The following CHFR variants were observed in gnomAD, a reference collection of about 807,000 sequenced individuals.
The protein encoded by CHFR is E3 ubiquitin-protein ligase CHFR.
In CHFR, 57 loss-of-function variants were observed where a neutral mutation model predicts 87.6. That is an observed-to-expected ratio of 0.65 (90% CI 0.53 to 0.81). CHFR has a LOEUF of 0.81. CHFR is among the 30% of genes least tolerant of loss of function. The probability of loss-of-function intolerance (pLI) is 0.00; values close to 1 mark genes in which losing one functional copy is unlikely to be tolerated. For synonymous variants in CHFR, 381 were observed against 359.2 expected, an observed-to-expected ratio of 1.06 and a Z score of -0.69; for missense variants, 797 against 865.8, an observed-to-expected ratio of 0.92 and a Z score of 1.00.
In CHFR at chr12:132,853,407, A is replaced by G. The variant is rs775787800; in HGVS notation, c.1372+24T>C. ...CACAAAGTGACTCACGCGAAGGCTG[A>G]GGCCTGAGGGCGGCGCGGCTCACCT... On this transcript the variant is annotated intron_variant, in intron 11 of 17. Coordinates refer to ENST00000450056, the MANE Select transcript of CHFR (RefSeq NM_001161346.2). 3.3e-6 allele frequency: 5 copies of G among 1,492,588 alleles called. No homozygotes were observed. The East Asian group carries it at 1.3e-4, about 39-fold the overall frequency. The allele number at this position is 1,492,588 out of a possible 1,614,324, so 92.5% of individuals were successfully genotyped here. A position where few individuals can be genotyped will look rare whatever the true frequency, so the allele number is the denominator to read the frequency against.
intron 12 of CHFR, chr12:132,850,002 G>T (rs1197255938): frequency 6.6e-6 from 1 of 151,778 alleles, no homozygotes; most frequent in East Asian, 1.9e-4. Flanking sequence ...CACCCAGGCT[G>T]GAGTGCACTG....
rs1951440531 is a variant in CHFR at position 132,869,714 on chromosome 12, G to C, written c.488C>G (p.Pro163Arg). 2 of 1,551,632 alleles carry C rather than the reference G, an allele frequency of 1.3e-6. No individual in the cohort carries two copies. Among genetic ancestry groups the C allele is most frequent in the Non-Finnish European group, 1.7e-6 (2 of 1,147,024 alleles). ...SPATQVCFEE[P>R]QPSTSTSDLF... ...GTCTGACGTCGATGTTGATGGCTGT[G>C]GTTCCTCAAAGCACACCTGAGTGGC... Residue 163 changes from proline (P) to arginine (R), a missense_variant, in exon 6 of 18, where the codon CCA (proline) becomes CGA (arginine). Around this residue, in one of 2 missense-constraint regions of CHFR, gnomAD observed 597 missense variants for 601.2 expected, o/e 0.99. Coordinates refer to ENST00000450056, the MANE Select transcript of CHFR (RefSeq NM_001161346.2).
At chr12:132,880,665 G>T (rs58886285) in intron 2 of CHFR, among the ~76,000 whole-genome samples, 1 of 103,974 alleles carries the variant, frequency 9.6e-6, no homozygotes, top group Non-Finnish European at 1.6e-5. Flanking sequence ...CTCAAAAAAA[G>T]AAAAAAAAAG....
At chr12:132,872,508 A>G (rs1951514506) in intron 3 of CHFR, 114 bp from the exon 4 acceptor site, 1 of 684,618 alleles carries the variant, frequency 1.5e-6, no homozygotes, top group Non-Finnish European at 2.6e-6. Flanking sequence ...AAATACTCAT[A>G]GGAACAGTGT....
chr12:132,867,458 T>G (rs1206620039), intron 6 of CHFR: 1 of 152,192 alleles, frequency 6.6e-6, no homozygotes, highest in African/African-American at 2.4e-5. Flanking sequence ...AGGTCCCTTC[T>G]CCGGAGGCTT....
In CHFR at chr12:132,865,498, G is replaced by A. The variant is rs143791143; in HGVS notation, c.584-3864C>T. On this transcript the variant is annotated intron_variant, in intron 6 of 17. Transcript: ENST00000450056. ...GGTGAAACTCCTGTCTCAGCTTCCT[G>A]AGTAGCTGGGACTACAGGCGCCTGC... Among the ~76,000 whole-genome samples the A allele has an allele frequency of 4.4e-3, 667 of 151,816 alleles. 4 individuals are homozygous for A. Among genetic ancestry groups the A allele is most frequent in the African/African-American group, 0.015 (629 of 41,394 alleles).
rs562978661 is a variant in CHFR, at chr12:132,859,809, A to C, written c.752-582T>G. 1.8e-3 allele frequency among the ~76,000 whole-genome samples: 280 copies of C among 152,280 alleles called. 2 individuals are homozygous for C. The highest frequency in any genetic ancestry group is 6.1e-3 in the African/African-American group (253 of 41,568). ...GTAATCCCAGCACTTTGGGAGGCTG[A>C]GGTGGGCAGATCGCTTGAGCCCAGG... On this transcript the variant is annotated intron_variant, in intron 7 of 17. Coordinates refer to ENST00000450056, the MANE Select transcript of CHFR (RefSeq NM_001161346.2).
intron 15 of CHFR, among the ~76,000 whole-genome samples, chr12:132,845,474 A>T (rs1174678230): frequency 1.4e-5 from 2 of 146,462 alleles, no homozygotes; most frequent in African/African-American, 4.9e-5. Flanking sequence ...AAAAATAAAT[A>T]AATAAATAAA....
At chr12:132,854,776 A>C (rs1951028057) in intron 10 of CHFR, 1 of 151,982 alleles carries the variant, frequency 6.6e-6, no homozygotes, top group Non-Finnish European at 1.5e-5. Flanking sequence ...ACTGCACTCC[A>C]GCCTGGGCAA....
chr12:132,864,409 G>A (rs1470992564), intron 6 of CHFR, among the ~76,000 whole-genome samples: 2 of 152,226 alleles, frequency 1.3e-5, no homozygotes, highest in Non-Finnish European at 2.9e-5. Context: ...TTTAGTAGCT[G>A]CTCAATAAGC....
At chr12:132,846,507 T>C (rs1950830915) in intron 15 of CHFR, among the ~76,000 whole-genome samples, 1 of 151,578 alleles carries the variant, frequency 6.6e-6, no homozygotes, top group Non-Finnish European at 1.5e-5. Context: ...CTTGACCTCA[T>C]GATCCGCCCG....
chr12:132,857,319 G>A, intron 9 of CHFR, 86 bp downstream of exon 9: 12 of 1,451,440 alleles, frequency 8.3e-6, no homozygotes, highest in Non-Finnish European at 1.0e-5. Context: ...CCCGGGTGCT[G>A]CTGGGTGGAT....
intron 2 of CHFR, among the ~76,000 whole-genome samples, chr12:132,881,922 G>A (rs1161688470): frequency 2.0e-5 from 3 of 151,074 alleles, no homozygotes; most frequent in African/African-American, 7.3e-5. Flanking sequence ...AAAGGGAAGT[G>A]GAAAACCTGG....
intron 14 of CHFR, chr12:132,847,813 G>A (rs1235496128): frequency 1.2e-5 from 16 of 1,309,436 alleles, no homozygotes; most frequent in South Asian, 4.9e-5. Context: ...AAGAGCTGCC[G>A]GGAACAAGAG....
At chr12:132,852,324 G>A (rs1177531820) in intron 11 of CHFR, among the ~76,000 whole-genome samples, 1 of 152,136 alleles carries the variant, frequency 6.6e-6, no homozygotes, top group African/African-American at 2.4e-5. Context: ...CCTATAAAGA[G>A]AGGACAAGCC....
At position 132,841,552 on chromosome 12, in the gene CHFR, G is replaced by A. The variant is rs1950704441; in HGVS notation, c.*2C>T. ...TGAAAGCTGCTCAGGGCCTCTGGATGCTTAGTTTTTGAACCTTGTCTGTTC... is the reference window on the plus strand; with the variant it reads ...TGAAAGCTGCTCAGGGCCTCTGGATACTTAGTTTTTGAACCTTGTCTGTTC... On this transcript the variant is annotated 3_prime_UTR_variant, in exon 18 of 18. Coordinates refer to ENST00000450056, the MANE Select transcript of CHFR (RefSeq NM_001161346.2). The A allele has an allele frequency of 1.9e-6, 3 of 1,613,154 alleles. No homozygotes were observed. Among genetic ancestry groups the A allele is most frequent in the Non-Finnish European group, 2.5e-6 (3 of 1,179,090 alleles).
chr12:132,877,435 G>A, intron 3 of CHFR, 120 bp downstream of exon 3: 2 of 578,202 alleles, frequency 3.5e-6, no homozygotes, highest in East Asian at 3.1e-5. Flanking sequence ...ATGAGCCGCT[G>A]TTATCACACT....
At chr12:132,885,422 A>AAATT (rs1435264907) in intron 2 of CHFR, among the ~76,000 whole-genome samples, 1 of 45,954 alleles carries the variant, frequency 2.2e-5, no homozygotes, top group South Asian at 5.5e-4. Flanking sequence ...AAAAATATAT[A>AAATT]AATAAATAAA....
chr12:132,844,265 A>G (rs1950762880), intron 15 of CHFR, 131 bp from the exon 16 acceptor site: 1 of 634,618 alleles, frequency 1.6e-6, no homozygotes, highest in African/African-American at 1.8e-5. Flanking sequence ...TTAGGAAAAT[A>G]AGAACAAAGC....
Sources: gnomAD v4.1 joint callset for allele counts (sites outside exome capture counted in the v4.1 genomes callset) on GRCh38, gnomAD v4.1.1 for gene constraint, gnomAD v4.1.1 regional missense constraint, MANE v1.5 for transcripts, NCBI Gene and HGNC (gene_info 2026-07-23, HGNC 2026-07-21) for gene names.